RUNX2: variants seen among roughly 807,000 people sequenced by gnomAD.
RUNX2 encodes the protein RUNX family transcription factor 2, also known as runt-related transcription factor 2.
Under a neutral mutation model 51.7 loss-of-function variants are expected in RUNX2, and 10 were observed. That is an observed-to-expected ratio of 0.19 (90% CI 0.12 to 0.33). The LOEUF is 0.33. RUNX2 is among the 10% of genes least tolerant of loss of function. The probability of loss-of-function intolerance (pLI) is 1.00; values close to 1 mark genes in which losing one functional copy is unlikely to be tolerated. For synonymous variants in RUNX2, 276 were observed against 273.6 expected, an observed-to-expected ratio of 1.01 and a Z score of -0.09; for missense variants, 562 against 691.3, an observed-to-expected ratio of 0.81 and a Z score of 2.10.
chr6:45,456,621 G>T (rs1404814708), intron 5 of RUNX2, among the ~76,000 whole-genome samples: 3 of 152,202 alleles, frequency 2.0e-5, no homozygotes, highest in Non-Finnish European at 4.4e-5. Flanking sequence ...AGCATGCTTT[G>T]AGGGTCTCTT....
intron 5 of RUNX2, among the ~76,000 whole-genome samples, chr6:45,454,677 T>C (rs1490434089): frequency 6.6e-6 from 1 of 152,244 alleles, no homozygotes; most frequent in East Asian, 1.9e-4. Context: ...TAGGTATTTA[T>C]CTATGTATGT....
chr6:45,373,155 T>C (rs1353933070), intron 2 of RUNX2, among the ~76,000 whole-genome samples: 1 of 152,004 alleles, frequency 6.6e-6, no homozygotes, highest in Non-Finnish European at 1.5e-5. Flanking sequence ...TCTCACTATA[T>C]TGCCCATCAC....
intron 5 of RUNX2, among the ~76,000 whole-genome samples, chr6:45,478,490 C>A (rs1210916717): frequency 6.6e-6 from 1 of 152,222 alleles, no homozygotes; most frequent in African/African-American, 2.4e-5. Context: ...AGCCTCACAA[C>A]TAACTTAGTA....
intron 2 of RUNX2, among the ~76,000 whole-genome samples, chr6:45,420,599 C>G (rs1168451253): frequency 6.6e-6 from 1 of 152,212 alleles, no homozygotes; most frequent in Non-Finnish European, 1.5e-5. Flanking sequence ...AGCTACTCCA[C>G]TAGGAATCTT....
chr6:45,425,623 C>T (rs1010306245), intron 3 of RUNX2, among the ~76,000 whole-genome samples: 2 of 152,150 alleles, frequency 1.3e-5, no homozygotes, highest in African/African-American at 4.8e-5. Context: ...AGAAAATACT[C>T]TGTTGAGAAA....
At chr6:45,365,167 T>C (rs377102117) in intron 2 of RUNX2, 5 of 1,253,676 alleles carry the variant, frequency 4.0e-6, no homozygotes, top group African/African-American at 1.5e-5. Flanking sequence ...AAATTTAAAA[T>C]AGTAATAGCA....
At chr6:45,531,687 A>C (rs1238198212) in intron 7 of RUNX2, among the ~76,000 whole-genome samples, 1 of 151,938 alleles carries the variant, frequency 6.6e-6, no homozygotes, top group African/African-American at 2.4e-5. Flanking sequence ...CAGGAGACAG[A>C]GGCTGTGGTG....
chr6:45,526,360 C>G (rs1473619678), intron 7 of RUNX2, among the ~76,000 whole-genome samples: 1 of 152,194 alleles, frequency 6.6e-6, no homozygotes, highest in East Asian at 1.9e-4. Context: ...TGTTAACCCT[C>G]TTTACATGAG....
chr6:45,337,623 A>G (rs1271055056), intron 2 of RUNX2, among the ~76,000 whole-genome samples: 1 of 151,846 alleles, frequency 6.6e-6, no homozygotes, highest in Non-Finnish European at 1.5e-5. Flanking sequence ...ATGTGTCCAA[A>G]TCATTTTTAT....
chr6:45,442,402 C>A (rs1439551600), intron 5 of RUNX2, among the ~76,000 whole-genome samples: 2 of 152,184 alleles, frequency 1.3e-5, no homozygotes, highest in Non-Finnish European at 2.9e-5. Flanking sequence ...AGATACCTAG[C>A]TCTTTGAAAC....
chr6:45,372,273 A>G (rs1796173947), intron 2 of RUNX2, among the ~76,000 whole-genome samples: 1 of 152,224 alleles, frequency 6.6e-6, no homozygotes, highest in South Asian at 2.1e-4. Context: ...GGTTACATAA[A>G]ATAACATACG....
chr6:45,439,611 G>A (rs2150372983), intron 5 of RUNX2, among the ~76,000 whole-genome samples: 3 of 152,226 alleles, frequency 2.0e-5, no homozygotes, highest in Admixed American at 2.0e-4. Context: ...GATATTTCCT[G>A]CTGATCTCAG....
chr6:45,481,894 AATC>A (rs759210793), intron 5 of RUNX2, among the ~76,000 whole-genome samples: 4 of 152,206 alleles, frequency 2.6e-5, no homozygotes, highest in Non-Finnish European at 5.9e-5. Flanking sequence ...AGTCTGATGA[AATC>A]TATATTCTCT....
In RUNX2 at chr6:45,463,156, G is replaced by A. The variant is rs1010531388; in HGVS notation, c.685+25105G>A. 2.0e-4 allele frequency among the ~76,000 whole-genome samples: 31 copies of A among 152,130 alleles called. 1 individual carries two copies. The highest frequency in any genetic ancestry group is 4.4e-4 in the Non-Finnish European group (30 of 68,034). ...GTCTTTACCAAATGGTTTAGTTCCT[G>A]GGTCACTTTTCTTTTTGGTCTTGTA... On this transcript the variant is annotated intron_variant, in intron 5 of 8. Coordinates refer to ENST00000647337, the MANE Select transcript of RUNX2 (RefSeq NM_001024630.4).
intron 2 of RUNX2, among the ~76,000 whole-genome samples, chr6:45,350,363 A>G (rs1026969154): frequency 2.6e-5 from 4 of 152,244 alleles, no homozygotes; most frequent in Non-Finnish European, 5.9e-5. Flanking sequence ...TTTCAAGTAC[A>G]CAATAAAATA....
Position 45,355,027 on chromosome 6 carries a change from T to A in RUNX2, c.58+26243T>A, listed in dbSNP as rs560626080. On this transcript the variant is annotated intron_variant, in intron 2 of 8. Coordinates refer to ENST00000647337, the MANE Select transcript of RUNX2 (RefSeq NM_001024630.4). Reference sequence around the variant, plus strand: ...TCTCACTCTGTCACCCAGGCTAAAGTGCAGTGGTACGATCACAGGTCACTG... The same window carrying A: ...TCTCACTCTGTCACCCAGGCTAAAGAGCAGTGGTACGATCACAGGTCACTG... 1.3e-4 allele frequency among the ~76,000 whole-genome samples: 20 copies of A among 152,164 alleles called. No homozygotes were observed. In the South Asian group the frequency reaches 4.2e-3, roughly 32 times the overall value.
intron 7 of RUNX2, among the ~76,000 whole-genome samples, chr6:45,516,837 G>T (rs575880461): frequency 1.1e-4 from 17 of 152,286 alleles, no homozygotes; most frequent in African/African-American, 3.9e-4. Flanking sequence ...AATAATTGCT[G>T]ACTTTCAAAA....
At position 45,409,483 on chromosome 6, in the gene RUNX2, C is replaced by T. The variant is rs1466798045; in HGVS notation, c.59-13110C>T. On this transcript the variant is annotated intron_variant, in intron 2 of 8. Transcript: ENST00000647337. ...TTCTTTATTCCAGTATGACATACAA[C>T]GTATTATAATTTTCTATGTATATCT... 2.6e-5 allele frequency among the ~76,000 whole-genome samples: 4 copies of T among 152,106 alleles called. No homozygotes were observed. The South Asian group carries it at 6.2e-4, about 24-fold the overall frequency.
chr6:45,520,021 G>T (rs2150428935), intron 7 of RUNX2, among the ~76,000 whole-genome samples: 1 of 151,882 alleles, frequency 6.6e-6, no homozygotes, highest in Middle Eastern at 3.4e-3. Context: ...TAGTAGTGAT[G>T]GGGTTCCACC....
Sources: allele counts gnomAD v4.1 joint callset (sites outside exome capture counted in the v4.1 genomes callset), GRCh38; gene constraint gnomAD v4.1.1; transcripts MANE v1.5; gene names NCBI Gene and HGNC (gene_info 2026-07-23, HGNC 2026-07-21).